The following COL22A1 variants were observed in gnomAD, a reference collection of about 807,000 sequenced individuals.
COL22A1 encodes collagen alpha-1(XXII) chain.
A neutral mutation model predicts 248.9 loss-of-function variants in COL22A1; 221 were observed. That is an observed-to-expected ratio of 0.89 (90% CI 0.80 to 0.99). The LOEUF is 0.99. Ranked by LOEUF, COL22A1 falls within the 50% of genes least tolerant of loss-of-function variation. The pLI, the probability that COL22A1 is intolerant of heterozygous loss-of-function variation, is 0.00. For synonymous variants in COL22A1, 891 were observed against 793.4 expected, an observed-to-expected ratio of 1.12 and a Z score of -2.07; for missense variants, 2,240 against 2,179.0, an observed-to-expected ratio of 1.03 and a Z score of -0.56.
chr8:138,775,186 A>T (rs1814308667), intron 16 of COL22A1, among the ~76,000 whole-genome samples: 2 of 152,170 alleles, frequency 1.3e-5, no homozygotes, highest in South Asian at 4.1e-4. Flanking sequence ...CTTGGGACAC[A>T]TTGCTCCAGA....
At chr8:138,716,068 T>C (rs1160262748) in intron 29 of COL22A1, among the ~76,000 whole-genome samples, 159 bp downstream of exon 29, 1 of 152,064 alleles carries the variant, frequency 6.6e-6, no homozygotes, top group African/African-American at 2.4e-5. Flanking sequence ...ACCCAAGTAG[T>C]CTTATCCCCT....
chr8:138,660,608 A>T (rs1329829976), intron 43 of COL22A1, 128 bp from the exon 44 acceptor site: 2 of 772,122 alleles, frequency 2.6e-6, no homozygotes, highest in Non-Finnish European at 2.2e-6. Context: ...TCATCAGACC[A>T]TGAGGATTGG....
At position 138,688,932 on chromosome 8, in the gene COL22A1, C is replaced by T. The variant is rs1289424991; in HGVS notation, c.2847G>A (p.Gly949=). 3 of 1,613,240 alleles carry T rather than the reference C, an allele frequency of 1.9e-6. No homozygotes were observed. Among genetic ancestry groups the T allele is most frequent in the South Asian group, 1.1e-5 (1 of 91,052 alleles). The stretch of plus-strand genomic sequence containing the variant: ...TTGGTCTTACCTTCTCACCACGCTC[C>T]CCATCTTTCCCTGGGGTGCCTCTGA... ...PGLRGTPGKD[G]ERGEKGAAGE... Residue 949 remains glycine, a synonymous_variant, in exon 37 of 65, where the codon GGG becomes GGA. Coordinates refer to ENST00000303045, the MANE Select transcript of COL22A1 (RefSeq NM_152888.3).
intron 14 of COL22A1, 75 bp from the exon 15 acceptor site, chr8:138,778,481 G>T: frequency 7.4e-7 from 1 of 1,353,856 alleles, no homozygotes. Context: ...AGCTCAGCCA[G>T]TCCCACGTTT....
chr8:138,849,034 A>G (rs2131891904), intron 3 of COL22A1, among the ~76,000 whole-genome samples: 1 of 152,298 alleles, frequency 6.6e-6, no homozygotes, highest in Admixed American at 6.5e-5. Context: ...GCTGAAGCAG[A>G]AGCCCAGCAG....
At chr8:138,755,078 G>C in intron 21 of COL22A1, 79 bp downstream of exon 21, 1 of 1,416,376 alleles carries the variant, frequency 7.1e-7, no homozygotes, top group Non-Finnish European at 9.9e-7. Flanking sequence ...GCTCAGCGCC[G>C]GGAATGACTC....
chr8:138,665,804 A>G (rs1484874838), intron 41 of COL22A1, among the ~76,000 whole-genome samples: 2 of 152,238 alleles, frequency 1.3e-5, no homozygotes, highest in Non-Finnish European at 2.9e-5. Context: ...ATATAGAAAA[A>G]AAAAGAAAGA....
intron 56 of COL22A1, among the ~76,000 whole-genome samples, chr8:138,609,305 T>A (rs577221350): frequency 1.3e-5 from 2 of 152,190 alleles, no homozygotes; most frequent in Non-Finnish European, 2.9e-5. Flanking sequence ...CAGCACTGAT[T>A]CCATCTCACA....
intron 47 of COL22A1, 131 bp from the exon 48 acceptor site, chr8:138,636,926 C>T: frequency 1.3e-6 from 1 of 764,514 alleles, no homozygotes. Flanking sequence ...TGTGGTAGCT[C>T]AGGCACGGTG....
In COL22A1 at chr8:138,626,869, A is replaced by G. The variant is rs530170905; in HGVS notation, c.3664-626T>C. ...TCATCAAAGACTTACATAAGTATCA[A>G]TTAGGGCTTATAAATCAGCATTATA... On this transcript the variant is annotated intron_variant, in intron 50 of 64. Coordinates refer to ENST00000303045, the MANE Select transcript of COL22A1 (RefSeq NM_152888.3). Among the ~76,000 whole-genome samples, 6 of 152,306 alleles carry G rather than the reference A, an allele frequency of 3.9e-5. No individual in the cohort carries two copies. The South Asian group carries it at 6.2e-4, about 16-fold the overall frequency.
intron 7 of COL22A1, among the ~76,000 whole-genome samples, chr8:138,813,793 C>A (rs1039265939): frequency 5.9e-5 from 9 of 152,200 alleles, no homozygotes; most frequent in Non-Finnish European, 7.3e-5. Flanking sequence ...CAGAGGCACA[C>A]CACCATCCTC....
intron 17 of COL22A1, 92 bp downstream of exon 17, chr8:138,762,321 C>T (rs1833554515): frequency 8.5e-6 from 11 of 1,293,910 alleles, no homozygotes; most frequent in Non-Finnish European, 1.2e-5. Flanking sequence ...GGCCCAGGTG[C>T]TGAGGCTCTG....
At chr8:138,717,171 G>A (rs1013664301) in intron 27 of COL22A1, among the ~76,000 whole-genome samples, 16 of 151,100 alleles carry the variant, frequency 1.1e-4, no homozygotes, top group African/African-American at 1.5e-4. Context: ...TTTTTGAGAC[G>A]GAGTCTCACT....
chr8:138,620,442 G>A (rs1303691114), intron 52 of COL22A1: 2 of 152,044 alleles, frequency 1.3e-5, no homozygotes, highest in Non-Finnish European at 2.9e-5. Flanking sequence ...AGAAGGGTGG[G>A]GCCTAAAGCC....
chr8:138,636,957 G>A (rs1821233738), intron 47 of COL22A1, among the ~76,000 whole-genome samples, 162 bp from the exon 48 acceptor site: 2 of 152,134 alleles, frequency 1.3e-5, no homozygotes, highest in South Asian at 2.1e-4. Flanking sequence ...GATAGAAACA[G>A]GGCCTGGTTG....
intron 2 of COL22A1, among the ~76,000 whole-genome samples, 153 bp downstream of exon 2, chr8:138,882,929 G>A (rs1824350644): frequency 6.6e-6 from 1 of 152,142 alleles, no homozygotes; most frequent in African/African-American, 2.4e-5. Flanking sequence ...AGGTTAGAAG[G>A]CAGCTGACTC....
At chr8:138,784,805 G>A (rs908519277) in intron 12 of COL22A1, among the ~76,000 whole-genome samples, 1 of 152,082 alleles carries the variant, frequency 6.6e-6, no homozygotes, top group Admixed American at 6.6e-5. Flanking sequence ...ATGAAACAAA[G>A]TCACAGACAG....
rs917522103 is a variant in COL22A1, at chr8:138,776,388, T to C, written c.1759-378A>G. ...CTACATCTGTGATACCCCATGACCA[T>C]GGTGCCCAGCCAGGGGTCCCAACGT... On this transcript the variant is annotated intron_variant, in intron 15 of 64. Transcript: ENST00000303045. Among the ~76,000 whole-genome samples, 7 of 152,158 alleles carry C rather than the reference T, an allele frequency of 4.6e-5. No homozygotes were observed. In the South Asian group the frequency reaches 1.0e-3, roughly 23 times the overall value.
intron 63 of COL22A1, among the ~76,000 whole-genome samples, chr8:138,592,733 A>G: frequency 6.6e-6 from 1 of 151,902 alleles, no homozygotes; most frequent in African/African-American, 2.4e-5. Context: ...CTTATTCCTA[A>G]TCGGTCGGAC....
Sources: gnomAD v4.1 joint callset for allele counts (sites outside exome capture counted in the v4.1 genomes callset) on GRCh38, gnomAD v4.1.1 for gene constraint, MANE v1.5 for transcripts, NCBI Gene and HGNC (gene_info 2026-07-23, HGNC 2026-07-21) for gene names.